Variants in EML5 observed in about 807,000 individuals in gnomAD.
The protein encoded by EML5 is EMAP like 5, also known as echinoderm microtubule-associated protein-like 5.
In EML5, 120 loss-of-function variants were observed where a neutral mutation model predicts 250.0. The observed-to-expected ratio is 0.48, with a 90% CI of 0.41 to 0.56. The LOEUF (loss-of-function observed/expected upper bound fraction) is 0.56. EML5 is among the 20% of genes least tolerant of loss of function. The pLI is 0.00. For synonymous variants in EML5, 771 were observed against 806.5 expected, an observed-to-expected ratio of 0.96 and a Z score of 0.75; for missense variants, 2,006 against 2,437.6, an observed-to-expected ratio of 0.82 and a Z score of 3.73.
intron 19 of EML5, 105 bp from the exon 20 acceptor site, chr14:88,685,247 G>T: frequency 1.1e-6 from 1 of 918,082 alleles, no homozygotes; most frequent in Non-Finnish European, 1.5e-6. Context: ...CACATTACAA[G>T]GTTTTCTCCT....
chr14:88,715,839 CG>C (rs893219134), intron 8 of EML5, among the ~76,000 whole-genome samples: 49 of 151,772 alleles, frequency 3.2e-4, no homozygotes, highest in Non-Finnish European at 1.3e-4. Context: ...ATCTTTTTGA[CG>C]TTTTTAAATA....
At chr14:88,766,631 C>T (rs1245006116) in intron 1 of EML5, among the ~76,000 whole-genome samples, 1 of 152,130 alleles carries the variant, frequency 6.6e-6, no homozygotes, top group Non-Finnish European at 1.5e-5. Flanking sequence ...CCTGTGATCT[C>T]GCCCTGCCTC....
At chr14:88,658,051 T>C (rs2091936528) in intron 26 of EML5, 136 bp downstream of exon 26, 4 of 801,062 alleles carry the variant, frequency 5.0e-6, no homozygotes, top group Non-Finnish European at 7.6e-6. Flanking sequence ...AAAATGGATT[T>C]TGATGTTAAA....
At chr14:88,751,448 C>T (rs1956407) in intron 2 of EML5, among the ~76,000 whole-genome samples, 14,957 of 151,926 alleles carry the variant, frequency 0.098, 1,188 homozygotes, top group East Asian at 0.28. Flanking sequence ...GGAAGGAGTG[C>T]TAACTGGAAA....
At chr14:88,774,105 C>T (rs1049361551) in intron 1 of EML5, among the ~76,000 whole-genome samples, 10 of 151,982 alleles carry the variant, frequency 6.6e-5, no homozygotes, top group South Asian at 6.2e-4. Context: ...GTGACGAGAG[C>T]GAGACTCTGT....
At chr14:88,633,549 T>C (rs1034306818) in intron 33 of EML5, among the ~76,000 whole-genome samples, 1 of 152,168 alleles carries the variant, frequency 6.6e-6, no homozygotes, top group African/African-American at 2.4e-5. Flanking sequence ...CAAAATAAAA[T>C]AACAAGAGAT....
chr14:88,640,454 G>A, intron 31 of EML5, among the ~76,000 whole-genome samples: 1 of 151,926 alleles, frequency 6.6e-6, no homozygotes, highest in Non-Finnish European at 1.5e-5. Flanking sequence ...AATGACTTTT[G>A]GGTAAACAAT....
intron 6 of EML5, among the ~76,000 whole-genome samples, chr14:88,737,528 C>T (rs376949605): frequency 1.1e-4 from 17 of 152,248 alleles, no homozygotes; most frequent in East Asian, 3.9e-4. Context: ...GCATTGCGCC[C>T]GCCATGGAGG....
intron 9 of EML5, 113 bp downstream of exon 9, chr14:88,714,826 G>A: frequency 9.9e-7 from 1 of 1,006,488 alleles, no homozygotes; most frequent in Non-Finnish European, 1.4e-6. Flanking sequence ...TGAAATATTA[G>A]CTCAGATCTT....
In EML5 at chr14:88,646,952, A is replaced by G. The variant is rs1408485171; in HGVS notation, c.4023T>C (p.Gly1341=). Residue 1341 remains glycine (G), a synonymous_variant, in exon 29 of 44, where the codon GGT becomes GGC. Transcript: ENST00000554922. ...CACAGCAAAGAGAGGATTACCTGGA[A>G]CCTCTTTTCAGCAGCAGATAAAGAG... ...SIDERQGVVR[G]SRPPVSRAPP... 3 of 1,592,970 alleles carry G rather than the reference A, an allele frequency of 1.9e-6. No individual in the cohort carries two copies. The highest frequency in any genetic ancestry group is 1.3e-5 in the African/African-American group (1 of 74,500).
Position 88,616,712 on chromosome 14 carries a change from A to C in EML5, c.5796+14T>G. On this transcript the variant is annotated intron_variant, in intron 42 of 43. Coordinates refer to ENST00000554922, the MANE Select transcript of EML5 (RefSeq NM_183387.3). Reference sequence around the variant, plus strand: ...AGGAGTAAACTGATAATAGTAAACAAAACACAAACTTACAAATTTTTCTGG... The same window carrying C: ...AGGAGTAAACTGATAATAGTAAACACAACACAAACTTACAAATTTTTCTGG... The C allele has an allele frequency of 6.2e-7, 1 of 1,608,428 alleles. No homozygotes were observed. The highest frequency in any genetic ancestry group is 2.2e-5 in the East Asian group (1 of 44,790).
At chr14:88,674,396 G>T (rs2092546338) in intron 21 of EML5, among the ~76,000 whole-genome samples, 1 of 152,172 alleles carries the variant, frequency 6.6e-6, no homozygotes, top group Non-Finnish European at 1.5e-5. Context: ...ATAGCAGAAG[G>T]CAAAGGAGAA....
chr14:88,655,137 A>C (rs546445556), intron 27 of EML5, among the ~76,000 whole-genome samples: 2 of 152,280 alleles, frequency 1.3e-5, no homozygotes, highest in South Asian at 4.1e-4. Flanking sequence ...TGTAAATTTC[A>C]TATGAAACTA....
intron 1 of EML5, among the ~76,000 whole-genome samples, chr14:88,779,901 CTA>C (rs1214680962): frequency 3.3e-5 from 5 of 152,008 alleles, no homozygotes; most frequent in Non-Finnish European, 5.9e-5. Context: ...ATTTTTACTT[CTA>C]TGTTACTGTG....
intron 34 of EML5, 180 bp downstream of exon 34, chr14:88,627,466 C>T (rs2090084189): frequency 1.8e-6 from 1 of 558,232 alleles, no homozygotes; most frequent in African/African-American, 1.9e-5. Flanking sequence ...TGTGAGGTTA[C>T]AGTTCCACTG....
At chr14:88,681,309 T>C (rs1018813718) in intron 21 of EML5, among the ~76,000 whole-genome samples, 1 of 151,922 alleles carries the variant, frequency 6.6e-6, no homozygotes, top group South Asian at 2.1e-4. Context: ...AAACAGAAAG[T>C]TCATTTTAAA....
intron 7 of EML5, among the ~76,000 whole-genome samples, chr14:88,732,563 C>A (rs1255319302): frequency 6.6e-6 from 1 of 152,028 alleles, no homozygotes; most frequent in Non-Finnish European, 1.5e-5. Flanking sequence ...TTTTTTGATT[C>A]CATATGAACT....
chr14:88,700,268 CA>C (rs1273745120), intron 14 of EML5, among the ~76,000 whole-genome samples: 1 of 152,074 alleles, frequency 6.6e-6, no homozygotes, highest in Non-Finnish European at 1.5e-5. Context: ...CTCCAAAAGA[CA>C]AAACTCTCTA....
At chr14:88,627,610 G>GT (rs761538705) in intron 34 of EML5, 36 bp downstream of exon 34, 24 of 1,559,648 alleles carry the variant, frequency 1.5e-5, no homozygotes, top group Middle Eastern at 3.4e-4. Flanking sequence ...TTGTATTCTT[G>GT]TTTTTTTAAA....
Sources: allele counts gnomAD v4.1 joint callset (sites outside exome capture counted in the v4.1 genomes callset), GRCh38; gene constraint gnomAD v4.1.1; transcripts MANE v1.5; gene names NCBI Gene and HGNC (gene_info 2026-07-23, HGNC 2026-07-21).